ACACA: variants seen among roughly 807,000 people sequenced by gnomAD.
ACACA encodes acetyl-CoA carboxylase 1.
ACACA carries 103 observed loss-of-function variants against 296.1 expected under a neutral mutation model. That is an observed-to-expected ratio of 0.35 (90% CI 0.30 to 0.41). The LOEUF is 0.41. Ranked by LOEUF, ACACA falls within the 10% of genes least tolerant of loss-of-function variation. The pLI is 1.00. For synonymous variants in ACACA, 953 were observed against 1,038.6 expected (o/e 0.92, Z 1.58); for missense variants, 1,554 against 2,989.7 (o/e 0.52, Z 11.20).
intron 16 of ACACA, among the ~76,000 whole-genome samples, 172 bp from the exon 17 acceptor site, chr17:37,248,846 A>AT (rs2080843969): frequency 6.6e-6 from 1 of 152,210 alleles, no homozygotes; most frequent in Non-Finnish European, 1.5e-5. Flanking sequence ...CTTACAATGG[A>AT]TTTTTTTAAA....
At chr17:37,251,968 T>G in intron 16 of ACACA, 37 bp downstream of exon 16, 1 of 1,571,284 alleles carries the variant, frequency 6.4e-7, no homozygotes, top group Non-Finnish European at 8.8e-7. Flanking sequence ...TCAGGACCAT[T>G]GATTAGTTTG....
chr17:37,370,841 G>A (rs567813122), intron 1 of ACACA, among the ~76,000 whole-genome samples: 103 of 151,692 alleles, frequency 6.8e-4, no homozygotes, highest in Non-Finnish European at 1.2e-3. Context: ...AAAATTAGCC[G>A]GACTTGGTGG....
At chr17:37,296,924 C>T (rs2083365726) in intron 3 of ACACA, among the ~76,000 whole-genome samples, 1 of 149,698 alleles carries the variant, frequency 6.7e-6, no homozygotes. Context: ...GCCATGTTGC[C>T]CAGGCTGGTC....
intron 50 of ACACA, among the ~76,000 whole-genome samples, chr17:37,118,012 G>A (rs2074341211): frequency 6.6e-6 from 1 of 152,098 alleles, no homozygotes; most frequent in Non-Finnish European, 1.5e-5. Flanking sequence ...TCTCCCCAAG[G>A]GATGTGAAGA....
intron 47 of ACACA, among the ~76,000 whole-genome samples, chr17:37,126,981 T>G (rs1219328756): frequency 6.6e-6 from 1 of 152,210 alleles, no homozygotes; most frequent in African/African-American, 2.4e-5. Flanking sequence ...TCTTTAACGC[T>G]TCCACTAAAT....
At chr17:37,307,356 T>G (rs1397637869) in intron 3 of ACACA, among the ~76,000 whole-genome samples, 1 of 152,138 alleles carries the variant, frequency 6.6e-6, no homozygotes, top group Admixed American at 6.6e-5. Flanking sequence ...TGTGTAAGAG[T>G]CAGTGTGTTC....
chr17:37,127,548 CA>C (rs1403001145), intron 47 of ACACA, among the ~76,000 whole-genome samples: 1 of 152,134 alleles, frequency 6.6e-6, no homozygotes, highest in African/African-American at 2.4e-5. Context: ...ACTTCATTCC[CA>C]GAAAAGTCCT....
chr17:37,390,304 T>TTTTATATATATATATATATATATATA (rs1201500381), intron 1 of ACACA, among the ~76,000 whole-genome samples: 2 of 17,976 alleles, frequency 1.1e-4, no homozygotes, highest in African/African-American at 3.8e-4. Context: ...TTATACATAA[T>TTTTATATATATATATATATATATATA]TATATATATA....
At chr17:37,298,421 C>T (rs1833110893) in intron 3 of ACACA, among the ~76,000 whole-genome samples, 1 of 152,160 alleles carries the variant, frequency 6.6e-6, no homozygotes, top group Admixed American at 6.5e-5. Context: ...GGCACAGTGG[C>T]CTGTAATACC....
chr17:37,297,516 T>G (rs1202976379), intron 3 of ACACA, among the ~76,000 whole-genome samples: 1 of 140,800 alleles, frequency 7.1e-6, no homozygotes, highest in African/African-American at 3.0e-5. Context: ...TGTGTTTGTG[T>G]ATGTATATGT....
chr17:37,103,993 T>A (rs531718216), intron 52 of ACACA, among the ~76,000 whole-genome samples: 1 of 152,220 alleles, frequency 6.6e-6, no homozygotes, highest in Non-Finnish European at 1.5e-5. Flanking sequence ...CGGTGAACTA[T>A]GATTGTGCTG....
chr17:37,315,984 G>A (rs1157667363), intron 3 of ACACA, among the ~76,000 whole-genome samples: 1 of 152,096 alleles, frequency 6.6e-6, no homozygotes, highest in African/African-American at 2.4e-5. Context: ...ACAGACCCCA[G>A]CCTGAAGCTA....
At chr17:37,287,448 A>G (rs1409249938) in intron 3 of ACACA, among the ~76,000 whole-genome samples, 1 of 151,920 alleles carries the variant, frequency 6.6e-6, no homozygotes, top group East Asian at 1.9e-4. Context: ...AAGAAGGGAC[A>G]AGGCCAGGCA....
At chr17:37,220,894 AG>A (rs1775671135) in intron 29 of ACACA, among the ~76,000 whole-genome samples, 1 of 152,230 alleles carries the variant, frequency 6.6e-6, no homozygotes, top group East Asian at 1.9e-4. Context: ...TGTAATACCA[AG>A]TGAAGAACCA....
At chr17:37,389,653 C>T (rs1597783764) in intron 1 of ACACA, among the ~76,000 whole-genome samples, 1 of 151,632 alleles carries the variant, frequency 6.6e-6, no homozygotes, top group Non-Finnish European at 1.5e-5. Flanking sequence ...TGCCATTGTA[C>T]TCCAGCCTGG....
intron 19 of ACACA, 102 bp downstream of exon 19, chr17:37,246,724 T>C: frequency 6.7e-7 from 1 of 1,485,694 alleles, no homozygotes; most frequent in Non-Finnish European, 9.3e-7. Context: ...CAAGCCACTG[T>C]GCCCAGCCTC....
In ACACA at chr17:37,099,511, TAGCA is replaced by T. The variant is rs2073202829; in HGVS notation, c.6566-1531_6566-1528del. 9.1e-5 allele frequency among the ~76,000 whole-genome samples: 10 copies of T among 110,304 alleles called. No homozygotes were observed. In the East Asian group the frequency reaches 1.9e-3, roughly 21 times the overall value. The allele number at this position is 110,304 out of a possible 152,430, so 72.4% of individuals were successfully genotyped here. ...GGAGGGCTGATGGGAGGAGGGCTGA[TAGCA>T]GGAGGGCTGATGGGAGGAGGGCTGA... is the stretch of plus-strand genomic sequence containing the variant. On this transcript the variant is annotated intron_variant, in intron 52 of 55. Transcript: ENST00000616317.
At chr17:37,404,101 T>A (rs2051383807) in intron 1 of ACACA, among the ~76,000 whole-genome samples, 1 of 152,174 alleles carries the variant, frequency 6.6e-6, no homozygotes, top group African/African-American at 2.4e-5. Flanking sequence ...AACGACTAGA[T>A]CTCAGTATTA....
At chr17:37,339,401 G>GA (rs1292650883) in intron 2 of ACACA, among the ~76,000 whole-genome samples, 1 of 152,362 alleles carries the variant, frequency 6.6e-6, no homozygotes, top group East Asian at 1.9e-4. Context: ...AGAAGACCAT[G>GA]AAGGCAGCTT....
Sources: allele counts gnomAD v4.1 joint callset (sites outside exome capture counted in the v4.1 genomes callset), GRCh38; gene constraint gnomAD v4.1.1; transcripts MANE v1.5; gene names NCBI Gene and HGNC (gene_info 2026-07-23, HGNC 2026-07-21).